The following NPHP3 variants were observed in gnomAD, a reference collection of about 807,000 sequenced individuals.
NPHP3 encodes the protein nephrocystin-3.
A neutral mutation model predicts 171.9 loss-of-function variants in NPHP3; 123 were observed. That is an observed-to-expected ratio of 0.72 (90% CI 0.62 to 0.83). The LOEUF (loss-of-function observed/expected upper bound fraction) is 0.83. Among genes scored for constraint, NPHP3 ranks in the 40% least tolerant of loss-of-function variants. The probability of loss-of-function intolerance (pLI) is 0.00; values close to 1 mark genes in which losing one functional copy is unlikely to be tolerated. For missense variants in NPHP3, 1,506 were observed against 1,591.9 expected (o/e 0.95, Z 0.92); for synonymous variants, 558 against 579.2 (o/e 0.96, Z 0.52).
Position 132,692,580 on chromosome 3 carries a change from C to T in NPHP3, c.2475+74G>A. 16 of 1,288,580 alleles carry T rather than the reference C, an allele frequency of 1.2e-5. No individual in the cohort carries two copies. The South Asian group carries it at 2.0e-4, about 16-fold the overall frequency. 79.8% of individuals were successfully genotyped at this position (1,288,580 alleles called of 1,614,324 possible). A position where few individuals can be genotyped will look rare whatever the true frequency, so the allele number is the denominator to read the frequency against. On this transcript the variant is annotated intron_variant, in intron 17 of 26. Coordinates refer to ENST00000337331, the MANE Select transcript of NPHP3 (RefSeq NM_153240.5). ...TTTGGCAGAAATAATCTTGCCACTG[C>T]ACTCCAGCCTGGGTGACAGAGAAGA... is the stretch of plus-strand genomic sequence containing the variant.
intron 15 of NPHP3, among the ~76,000 whole-genome samples, chr3:132,695,469 T>C (rs374459847): frequency 1.3e-5 from 2 of 151,954 alleles, no homozygotes; most frequent in East Asian, 1.9e-4. Context: ...AAAGGGTCCA[T>C]AGTCTCTTTA....
chr3:132,713,195 A>G lies in NPHP3; in HGVS notation c.1049T>C (p.Leu350Pro). The change falls in exon 6 of 27, where the codon CTC (leucine) becomes CCC (proline). Residue 350 changes from leucine to proline, a missense_variant. Coordinates refer to ENST00000337331, the MANE Select transcript of NPHP3 (RefSeq NM_153240.5). ...YFPIDVENQY[L>P]TVRKWEIEKS... ...CTCAATTTCCCATTTTCTTACAGTG[A>G]GGTATTGATTTTCAACATCTATTGG... 6.4e-7 allele frequency: 1 copy of G among 1,556,366 alleles called. No individual in the cohort carries two copies. The highest frequency in any genetic ancestry group is 1.4e-5 in the African/African-American group (1 of 73,738).
intron 10 of NPHP3, 103 bp from the exon 11 acceptor site, chr3:132,700,551 G>C: frequency 1.6e-6 from 1 of 639,940 alleles, no homozygotes; most frequent in Non-Finnish European, 2.7e-6. Flanking sequence ...GCCTAACTGA[G>C]CAATCAGGTG....
chr3:132,719,784 G>T lies in NPHP3; in HGVS notation c.440C>A (p.Ala147Asp). ...YQKILREKES[A>D]LEAKYQAMER... Reference sequence around the variant, plus strand: ...CATTGCTTGGTATTTCGCTTCTAAAGCACTTTCTTTTTCTCGAAGTATCTT... The same window carrying T: ...CATTGCTTGGTATTTCGCTTCTAAATCACTTTCTTTTTCTCGAAGTATCTT... Residue 147 changes from alanine to aspartate, a missense_variant, in exon 2 of 27, where the codon GCT becomes GAT. Coordinates refer to ENST00000337331, the MANE Select transcript of NPHP3 (RefSeq NM_153240.5). The T allele has an allele frequency of 6.3e-7, 1 of 1,599,966 alleles. No individual in the cohort carries two copies.
chr3:132,708,205 G>T lies in NPHP3; in HGVS notation c.1171C>A (p.Pro391Thr). ...EAFLKNPEGK[P>T]RLIFHRLEDG... Reference sequence around the variant, plus strand: ...TCCAAACGATGAAAGATTAATCGAGGTTTTCCTTCAGGGTTTTTCAGAAAA... The same window carrying T: ...TCCAAACGATGAAAGATTAATCGAGTTTTTCCTTCAGGGTTTTTCAGAAAA... The change falls in exon 7 of 27, where the codon CCT (proline) becomes ACT (threonine). Residue 391 changes from proline to threonine, a missense_variant. Physicochemically the swap from Pro to Thr is conservative, Grantham distance 38 (BLOSUM62 -1). Transcript: ENST00000337331. 2.5e-6 allele frequency: 4 copies of T among 1,614,030 alleles called. No individual in the cohort carries two copies. Among genetic ancestry groups the T allele is most frequent in the Non-Finnish European group, 3.4e-6 (4 of 1,179,894 alleles).
At position 132,691,254 on chromosome 3, in the gene NPHP3, T is replaced by C; in HGVS notation, c.2508A>G (p.Glu836=). 2.5e-6 allele frequency: 4 copies of C among 1,613,186 alleles called. No individual in the cohort carries two copies. The highest frequency in any genetic ancestry group is 3.4e-6 in the Non-Finnish European group (4 of 1,179,286). Reference sequence around the variant, plus strand: ...TGTATGAAGAAGTAACAGTGGGGCCTTCCAGGTACTCCAATCTCACTGTTT... The same window carrying C: ...TGTATGAAGAAGTAACAGTGGGGCCCTCCAGGTACTCCAATCTCACTGTTT... ...AWETVRLEYL[E]GPTVTSSYRQ... The change falls in exon 18 of 27, where the codon GAA becomes GAG. Residue 836 remains glutamate (E), a synonymous_variant. Transcript: ENST00000337331.
rs1560006798 is a variant in NPHP3 at position 132,697,340 on chromosome 3, CA to C, written c.2007del (p.Asp670IlefsTer3). ...TTTGCATCTTTTGGACTTAAGGGAT[CA>C]AGATGAAGTGTAGGCCACAACCTTT... ...PAWRLWPTLH[L>X]DPLSPKDAKS... On this transcript the variant is annotated frameshift_variant, in exon 14 of 27. Coordinates refer to ENST00000337331, the MANE Select transcript of NPHP3 (RefSeq NM_153240.5). LOFTEE classifies it high-confidence loss of function. 6.2e-7 allele frequency: 1 copy of C among 1,610,866 alleles called. No homozygotes were observed. Among genetic ancestry groups the C allele is most frequent in the South Asian group, 1.1e-5 (1 of 91,022 alleles).
intron 26 of NPHP3, 48 bp from the exon 27 acceptor site, chr3:132,682,138 A>C: frequency 6.5e-7 from 1 of 1,530,310 alleles, no homozygotes; most frequent in Non-Finnish European, 9.1e-7. Flanking sequence ...ATAACCTCTT[A>C]CCAATTCAAA....
chr3:132,700,041 T>C lies in NPHP3; in HGVS notation c.1764A>G (p.Ser588=). Residue 588 remains serine (S), a synonymous_variant, in exon 12 of 27, where the codon TCA becomes TCG. Transcript: ENST00000337331. ...CAGGATCCAGTGTCAGAGCAGAGAC[T>C]GACCAAGAGTGCTGCATCAACTACA... The part of the protein sequence containing the change: ...LTLKLMQHSW[S]VSALTLDPAK... The C allele has an allele frequency of 6.2e-7, 1 of 1,614,180 alleles. No homozygotes were observed. Among genetic ancestry groups the C allele is most frequent in the Non-Finnish European group, 8.5e-7 (1 of 1,180,010 alleles).
chr3:132,687,347 C>A, intron 21 of NPHP3, 121 bp from the exon 22 acceptor site: 1 of 587,920 alleles, frequency 1.7e-6, no homozygotes, highest in Non-Finnish European at 3.0e-6. Flanking sequence ...AGCATTTTTT[C>A]TAGAAATGAT....
chr3:132,688,244 T>A (rs1939210242), intron 21 of NPHP3, among the ~76,000 whole-genome samples: 1 of 152,136 alleles, frequency 6.6e-6, no homozygotes, highest in African/African-American at 2.4e-5. Context: ...ATAAGGTGTA[T>A]ATGAAAAATA....
At chr3:132,695,042 A>C (rs1478852254) in intron 15 of NPHP3, 77 bp from the exon 16 acceptor site, 4 of 1,397,704 alleles carry the variant, frequency 2.9e-6, no homozygotes, top group African/African-American at 2.8e-5. Context: ...ATTAAAAACA[A>C]CGTGAACTCT....
intron 19 of NPHP3, among the ~76,000 whole-genome samples, chr3:132,689,918 T>C (rs1376320634): frequency 1.3e-5 from 2 of 152,088 alleles, no homozygotes; most frequent in African/African-American, 2.4e-5. Context: ...CAAAATAAAT[T>C]ATGATACTTA....
At chr3:132,717,353 T>C (rs1940081538) in intron 3 of NPHP3, 1 of 167,748 alleles carries the variant, frequency 6.0e-6, no homozygotes. Flanking sequence ...CAGCAGGAAG[T>C]ACCTCCTTCT....
chr3:132,695,173 A>G (rs1269118298), intron 15 of NPHP3: 1 of 529,178 alleles, frequency 1.9e-6, no homozygotes, highest in African/African-American at 1.9e-5. Flanking sequence ...TCAGTGCAAT[A>G]AACATGCTGA....
chr3:132,685,015 A>G lies in NPHP3; in HGVS notation c.3330-221T>C, dbSNP rs530636205. On this transcript the variant is annotated intron_variant, in intron 23 of 26. Coordinates refer to ENST00000337331, the MANE Select transcript of NPHP3 (RefSeq NM_153240.5). ...CTAAAATGTGTGGATGATTGCCTCAATTCTCCACTTCTGAAAGAAAAACTG... is the reference window on the plus strand; with the variant it reads ...CTAAAATGTGTGGATGATTGCCTCAGTTCTCCACTTCTGAAAGAAAAACTG... 14 of 527,252 alleles carry G rather than the reference A, an allele frequency of 2.7e-5. No homozygotes were observed. In the Admixed American group the frequency reaches 4.1e-4, roughly 16 times the overall value. The allele number at this position is 527,252 out of a possible 1,614,324, so 32.7% of individuals were successfully genotyped here. A position where few individuals can be genotyped will look rare whatever the true frequency, so the allele number is the denominator to read the frequency against.
rs2107969580 is a variant in NPHP3 at position 132,690,710 on chromosome 3, G to T, written c.2571-60C>A. On this transcript the variant is annotated intron_variant, in intron 18 of 26. Transcript: ENST00000337331. ...CCTACAATGAGACTGCTTCAAAAAGGCTTCAGGCAAATGTCAAAGGAAGAA... is the reference window on the plus strand; with the variant it reads ...CCTACAATGAGACTGCTTCAAAAAGTCTTCAGGCAAATGTCAAAGGAAGAA... The T allele has an allele frequency of 1.4e-5, 22 of 1,561,008 alleles. No homozygotes were observed. In the South Asian group the frequency reaches 2.3e-4, roughly 16 times the overall value.
intron 17 of NPHP3, among the ~76,000 whole-genome samples, 200 bp from the exon 18 acceptor site, chr3:132,691,486 A>T (rs2107970339): frequency 6.6e-6 from 1 of 152,344 alleles, no homozygotes; most frequent in African/African-American, 2.4e-5. Context: ...TAATATTTAT[A>T]AGCTCAAAAC....
chr3:132,705,128 T>G (rs764034430), intron 8 of NPHP3, among the ~76,000 whole-genome samples: 30 of 152,266 alleles, frequency 2.0e-4, no homozygotes, highest in Non-Finnish European at 2.9e-4. Flanking sequence ...GCGCCCATTC[T>G]GTTTGAGGGA....
Sources: gnomAD v4.1 joint callset for allele counts (sites outside exome capture counted in the v4.1 genomes callset) on GRCh38, gnomAD v4.1.1 for gene constraint, MANE v1.5 for transcripts, NCBI Gene and HGNC (gene_info 2026-07-23, HGNC 2026-07-21) for gene names.